OSER1: variants seen among roughly 807,000 people sequenced by gnomAD.
OSER1 encodes oxidative stress responsive serine rich 1.
A neutral mutation model predicts 26.3 loss-of-function variants in OSER1; 15 were observed. That is an observed-to-expected ratio of 0.57 (90% CI 0.38 to 0.88). The LOEUF (loss-of-function observed/expected upper bound fraction) is 0.88, where lower values mean the gene tolerates loss of function less well. Among genes scored for constraint, OSER1 ranks in the 40% least tolerant of loss-of-function variants. The pLI is 0.00. For synonymous variants in OSER1, 127 were observed against 128.2 expected (o/e 0.99, Z 0.07); for missense variants, 313 against 353.9 (o/e 0.88, Z 0.93).
intron 1 of OSER1, chr20:44,207,520 C>T (rs1036008350): frequency 3.2e-4 from 48 of 152,284 alleles, no homozygotes; most frequent in African/African-American, 1.2e-3. Flanking sequence ...CAAGACGTTA[C>T]CACTGTGAAA....
chr20:44,202,638 TA>T (rs1450784172), intron 3 of OSER1, among the ~76,000 whole-genome samples: 2 of 152,198 alleles, frequency 1.3e-5, no homozygotes, highest in African/African-American at 4.8e-5. Context: ...ACATCTCTAT[TA>T]TTTGTAAGTC....
rs775189988 is a variant in OSER1, at chr20:44,197,552, T to G, written c.379A>C (p.Lys127Gln). 8 of 1,614,158 alleles carry G rather than the reference T, an allele frequency of 5.0e-6. No homozygotes were observed. In the South Asian group the frequency reaches 7.7e-5, roughly 16 times the overall value. The part of the protein sequence containing the change: ...GSSGLGISSP[K>Q]EFSAGESSTS... ...GAGCTTTCTCCTGCACTGAACTCTT[T>G]AGGGGATGAAATTCCCAGCCCACTG... is the stretch of plus-strand genomic sequence containing the variant. Residue 127 changes from lysine to glutamine, a missense_variant, in exon 4 of 4, where the codon AAA becomes CAA. By Grantham distance (53) the Lys-to-Gln change is moderately conservative. Transcript: ENST00000255174.
rs1458012507 is a variant in OSER1 at position 44,197,317 on chromosome 20, T to C, written c.614A>G (p.Gln205Arg). The part of the protein sequence containing the change: ...KPCTCIGKEC[Q>R]CKRWHDMEVY... ...TTCCATATCATGCCATCTCTTACAC[T>C]GGCATTCCTTGCCTATGCATGTGCA... The change falls in exon 4 of 4, where the codon CAG (glutamine) becomes CGG (arginine). Residue 205 changes from glutamine to arginine, a missense_variant. This residue lies in a region of OSER1 where 300 missense variants were observed against 318.3 expected (regional missense o/e 0.94). Transcript: ENST00000255174. The C allele has an allele frequency of 1.9e-6, 3 of 1,614,242 alleles. No individual in the cohort carries two copies. Among genetic ancestry groups the C allele is most frequent in the Non-Finnish European group, 2.5e-6 (3 of 1,180,022 alleles).
chr20:44,210,306 G>A (rs937503550), intron 1 of OSER1, among the ~76,000 whole-genome samples: 7 of 152,224 alleles, frequency 4.6e-5, no homozygotes, highest in Non-Finnish European at 8.8e-5. Flanking sequence ...GGATGCGGGA[G>A]AAGAAAGGAG....
At chr20:44,204,649 G>T (rs940902155) in intron 2 of OSER1, among the ~76,000 whole-genome samples, 2 of 152,078 alleles carry the variant, frequency 1.3e-5, no homozygotes, top group Non-Finnish European at 2.9e-5. Context: ...TTCCGCTCCT[G>T]CCCTCCCCAC....
intron 1 of OSER1, 133 bp downstream of exon 1, chr20:44,210,563 G>C (rs1452405097): frequency 6.6e-6 from 1 of 152,466 alleles, no homozygotes; most frequent in Admixed American, 6.5e-5. Context: ...CCCAGGCCCG[G>C]CCCAGGCAGG....
At chr20:44,200,777 T>C (rs149760255) in intron 3 of OSER1, among the ~76,000 whole-genome samples, 1 of 152,248 alleles carries the variant, frequency 6.6e-6, no homozygotes, top group Non-Finnish European at 1.5e-5. Context: ...GTAGCAAAAC[T>C]ATAGAATAGC....
At chr20:44,206,630 T>A (rs1457703105) in intron 2 of OSER1, among the ~76,000 whole-genome samples, 1 of 152,190 alleles carries the variant, frequency 6.6e-6, no homozygotes, top group South Asian at 2.1e-4. Flanking sequence ...GAAGCCCTCC[T>A]CAAAGTGAAC....
In OSER1 at chr20:44,203,046, C is replaced by T; in HGVS notation, c.106G>A (p.Gly36Ser). 6.2e-7 allele frequency: 1 copy of T among 1,611,314 alleles called. No homozygotes were observed. The highest frequency in any genetic ancestry group is 8.5e-7 in the Non-Finnish European group (1 of 1,177,536). Residue 36 changes from glycine (G) to serine (S), a missense_variant, in exon 3 of 4, where the codon GGC becomes AGC. Around this residue, in one of 2 missense-constraint regions of OSER1, gnomAD observed 300 missense variants for 318.3 expected, o/e 0.94. Transcript: ENST00000255174. ...CTGACTGGTGCTCTGACACCTGTGCCTTCTCCAACAGACAGAGATGCTACA... is the reference window on the plus strand; with the variant it reads ...CTGACTGGTGCTCTGACACCTGTGCTTTCTCCAACAGACAGAGATGCTACA... The part of the protein sequence containing the change: ...GSVASLSVGE[G>S]TGVRAPVRTA...
At chr20:44,206,187 T>C (rs1210557521) in intron 2 of OSER1, among the ~76,000 whole-genome samples, 1 of 152,206 alleles carries the variant, frequency 6.6e-6, no homozygotes, top group Non-Finnish European at 1.5e-5. Flanking sequence ...TTAATGATGA[T>C]GATTATTACT....
chr20:44,208,061 T>C (rs549513352), intron 1 of OSER1, among the ~76,000 whole-genome samples: 25 of 152,212 alleles, frequency 1.6e-4, no homozygotes, highest in African/African-American at 6.0e-4. Flanking sequence ...TAGAGAATAT[T>C]TGAAGCAAAA....
intron 1 of OSER1, 71 bp from the exon 2 acceptor site, chr20:44,207,069 TAGAAAA>T: frequency 1.4e-6 from 1 of 710,770 alleles, no homozygotes; most frequent in East Asian, 2.8e-5. Flanking sequence ...CCATTACTGT[TAGAAAA>T]AAAAAGCAAA....
At chr20:44,202,019 AT>A (rs1198642488) in intron 3 of OSER1, among the ~76,000 whole-genome samples, 1 of 152,266 alleles carries the variant, frequency 6.6e-6, no homozygotes, top group African/African-American at 2.4e-5. Context: ...ACAGAAAAAA[AT>A]AAAACCTAGT....
chr20:44,197,187 G>C lies in OSER1; in HGVS notation c.744C>G (p.Gly248=). Reference sequence around the variant, plus strand: ...CTTGCTCAGAACAGGATCGGGGAGAGCCAGACAGAGTTCTGGCGTGCAGCG... The same window carrying C: ...CTTGCTCAGAACAGGATCGGGGAGACCCAGACAGAGTTCTGGCGTGCAGCG... ...SQSLHARTLS[G]SPRSCSEQAR... is the part of the protein sequence containing the mutation. The change falls in exon 4 of 4, where the codon GGC becomes GGG. Residue 248 remains glycine, a synonymous_variant. Transcript: ENST00000255174. 6.2e-7 allele frequency: 1 copy of C among 1,614,190 alleles called. No homozygotes were observed. Among genetic ancestry groups the C allele is most frequent in the East Asian group, 2.2e-5 (1 of 44,890 alleles).
chr20:44,197,463 C>A lies in OSER1; in HGVS notation c.468G>T (p.Arg156Ser). ...CTTCCTTCTTACTCTCTGATGGGAGCCTTGGAACAGAAGTTCTCAAAGGCT... is the reference window on the plus strand; with the variant it reads ...CTTCCTTCTTACTCTCTGATGGGAGACTTGGAACAGAAGTTCTCAAAGGCT... ...VVEPLRTSVP[R>S]LPSESKKEDS... The change falls in exon 4 of 4, where the codon AGG becomes AGT. Residue 156 changes from arginine (R) to serine (S), a missense_variant. Arg to Ser is a moderately radical substitution (Grantham distance 110). This residue lies in a region of OSER1 where 300 missense variants were observed against 318.3 expected (regional missense o/e 0.94). Coordinates refer to ENST00000255174, the MANE Select transcript of OSER1 (RefSeq NM_016470.8). The A allele has an allele frequency of 6.2e-7, 1 of 1,614,150 alleles. No individual in the cohort carries two copies. Among genetic ancestry groups the A allele is most frequent in the Non-Finnish European group, 8.5e-7 (1 of 1,180,020 alleles).
chr20:44,208,899 C>T (rs2073067385), intron 1 of OSER1, among the ~76,000 whole-genome samples: 1 of 152,190 alleles, frequency 6.6e-6, no homozygotes, highest in Non-Finnish European at 1.5e-5. Context: ...CATTTACGTA[C>T]ACATCACATT....
At chr20:44,211,728 C>A (rs1042376717), upstream of OSER1, among the ~76,000 whole-genome samples, 3 of 152,166 alleles carry the variant, frequency 2.0e-5, no homozygotes, top group African/African-American at 7.2e-5. Flanking sequence ...CAACAGCTGC[C>A]ACCCGCTCCA....
Position 44,206,892 on chromosome 20 carries a change from C to T in OSER1, c.66G>A (p.Val22=). 7.3e-7 allele frequency: 1 copy of T among 1,372,544 alleles called. No homozygotes were observed. The highest frequency in any genetic ancestry group is 1.0e-6 in the Non-Finnish European group (1 of 960,448). The allele number at this position is 1,372,544 out of a possible 1,614,324, so 85.0% of individuals were successfully genotyped here. A position where few individuals can be genotyped will look rare whatever the true frequency, so the allele number is the denominator to read the frequency against. The change falls in exon 2 of 4, where the codon GTG becomes GTA. Residue 22 remains valine, a synonymous_variant. Coordinates refer to ENST00000255174, the MANE Select transcript of OSER1 (RefSeq NM_016470.8). ...ACATATTTAATTACCCTGATGCATC[C>T]ACTCTTAATTTTTTGAAAGCAGTCT... ...SLQTAFKKLR[V]DASGSVASLS...
chr20:44,200,958 A>G (rs1261819453), intron 3 of OSER1, among the ~76,000 whole-genome samples: 1 of 151,402 alleles, frequency 6.6e-6, no homozygotes, highest in Non-Finnish European at 1.5e-5. Context: ...CTAGAAATAT[A>G]ATGTCAACTA....
Sources: allele counts gnomAD v4.1 joint callset (sites outside exome capture counted in the v4.1 genomes callset), GRCh38; gene constraint gnomAD v4.1.1; regional missense constraint gnomAD v4.1.1; transcripts MANE v1.5; gene names NCBI Gene and HGNC (gene_info 2026-07-23, HGNC 2026-07-21).